CCNB3: variants seen among roughly 807,000 people sequenced by gnomAD.
The protein encoded by CCNB3 is cyclin B3.
In CCNB3, 12 loss-of-function variants were observed where a neutral mutation model predicts 68.0. The observed-to-expected ratio is 0.18, with a 90% confidence interval of 0.11 to 0.29. The LOEUF (loss-of-function observed/expected upper bound fraction) is 0.29, where lower values mean the gene tolerates loss of function less well. Among genes scored for constraint, CCNB3 ranks in the 10% least tolerant of loss-of-function variants. CCNB3 has a pLI of 1.00. For synonymous variants in CCNB3, 354 were observed against 388.9 expected (o/e 0.91, Z 1.06); for missense variants, 904 against 993.1 (o/e 0.91, Z 1.21).
At chrX:50,287,586 T>C (rs1936263111) in intron 3 of CCNB3, among the ~76,000 whole-genome samples, 1 of 112,035 alleles carries the variant, frequency 8.9e-6, no homozygotes. Context: ...GGATTAGAGA[T>C]TAAGTTACTT....
At chrX:50,321,608 GTCTAC>G (rs1922020801) in intron 8 of CCNB3, among the ~76,000 whole-genome samples, 1 of 110,697 alleles carries the variant, frequency 9.0e-6, no homozygotes, top group Non-Finnish European at 1.9e-5. Flanking sequence ...TGATCTATTT[GTCTAC>G]TCTAACATCA....
chrX:50,329,176 T>C (rs1158080620), intron 8 of CCNB3, among the ~76,000 whole-genome samples: 1 of 111,599 alleles, frequency 9.0e-6, no homozygotes, highest in Non-Finnish European at 1.9e-5. Flanking sequence ...GTCTGGAGGA[T>C]GGTGGCCCCC....
At chrX:50,330,522 G>A (rs1011491392) in intron 8 of CCNB3, among the ~76,000 whole-genome samples, 3 of 111,651 alleles carry the variant, frequency 2.7e-5, no homozygotes, top group East Asian at 2.8e-4. Context: ...CACTACCTAC[G>A]TCTTCTTGCA....
chrX:50,282,590 G>GA lies in CCNB3; in HGVS notation c.-112-1951dup, dbSNP rs756308468. Among the ~76,000 whole-genome samples, 6 of 111,344 alleles carry GA rather than the reference G, an allele frequency of 5.4e-5. No individual in the cohort carries two copies. In the Admixed American group the frequency reaches 5.8e-4, roughly 11 times the overall value. On this transcript the variant is annotated intron_variant, in intron 1 of 12. Coordinates refer to ENST00000376042, the MANE Select transcript of CCNB3 (RefSeq NM_033031.3). ...GGGTTCTGTAGGTGGCAGAAGTTGAGAGTGTTCCGCAGAGAGTGTCCTTTT... is the reference window on the plus strand; with the variant it reads ...GGGTTCTGTAGGTGGCAGAAGTTGAGAAGTGTTCCGCAGAGAGTGTCCTTTT...
intron 8 of CCNB3, among the ~76,000 whole-genome samples, chrX:50,325,872 C>T (rs1245039765): frequency 1.3e-4 from 14 of 110,904 alleles, no homozygotes; most frequent in African/African-American, 4.6e-4. Flanking sequence ...CCTTACAGAT[C>T]CTTTATTATA....
At chrX:50,228,641 AAT>A (rs1935978470) in intron 1 of CCNB3, among the ~76,000 whole-genome samples, 2 of 85,609 alleles carry the variant, frequency 2.3e-5, no homozygotes, top group East Asian at 3.4e-4. Flanking sequence ...ATACATATAG[AAT>A]ATATATAGAA....
intron 1 of CCNB3, among the ~76,000 whole-genome samples, chrX:50,227,649 A>C (rs1371880337): frequency 1.1e-5 from 1 of 94,078 alleles, no homozygotes; most frequent in Non-Finnish European, 2.1e-5. Flanking sequence ...ATATAGAGAG[A>C]ATATATATAA....
At chrX:50,227,419 T>A (rs961935970) in intron 1 of CCNB3, among the ~76,000 whole-genome samples, 1,900 of 82,108 alleles carry the variant, frequency 0.023, 46 homozygotes, top group African/African-American at 0.084. Flanking sequence ...CAGAGAATAT[T>A]TATAAATATA....
intron 1 of CCNB3, among the ~76,000 whole-genome samples, chrX:50,283,256 A>G (rs999478526): frequency 7.2e-5 from 8 of 111,240 alleles, no homozygotes; most frequent in Non-Finnish European, 1.5e-4. Flanking sequence ...TCCTCATACT[A>G]TGGCCTTTCA....
chrX:50,336,256 G>T (rs1569543389), intron 8 of CCNB3, among the ~76,000 whole-genome samples: 1 of 111,698 alleles, frequency 9.0e-6, no homozygotes, highest in East Asian at 2.8e-4. Context: ...CTTACAATAG[G>T]CGCATTGGTT....
At chrX:50,306,220 TTTC>T (rs1213853893) in intron 5 of CCNB3, among the ~76,000 whole-genome samples, 2 of 111,323 alleles carry the variant, frequency 1.8e-5, no homozygotes, top group African/African-American at 6.5e-5. Context: ...TTCTAAGCAT[TTTC>T]TTCTTCTTGA....
At chrX:50,291,322 G>A (rs908112372) in intron 4 of CCNB3, among the ~76,000 whole-genome samples, 6 of 110,714 alleles carry the variant, frequency 5.4e-5, no homozygotes, top group African/African-American at 2.0e-4. Flanking sequence ...TATTTTTTTT[G>A]AGATAAAGTC....
chrX:50,293,611 A>G (rs1936389898), intron 4 of CCNB3, among the ~76,000 whole-genome samples: 1 of 111,579 alleles, frequency 9.0e-6, no homozygotes, highest in Non-Finnish European at 1.9e-5. Context: ...TGTATGTTCT[A>G]TATTGAGAAC....
intron 9 of CCNB3, among the ~76,000 whole-genome samples, chrX:50,345,938 G>A (rs1923383880): frequency 8.9e-6 from 1 of 112,459 alleles, no homozygotes; most frequent in African/African-American, 3.2e-5. Flanking sequence ...CGGGCAGTAA[G>A]CTGCAGGTAG....
Position 50,310,589 on chromosome X carries a change from A to G in CCNB3, c.2420A>G (p.Glu807Gly), listed in dbSNP as rs1921375212. Reference protein sequence around the residue: ...LFKKLLAMQEEPSIEKEAVLK... With the variant: ...LFKKLLAMQEGPSIEKEAVLK... ...AAGAAGCTTTTGGCCATGCAGGAGGAGCCCAGCATTGAGAAGGAAGCTGTC... is the reference window on the plus strand; with the variant it reads ...AAGAAGCTTTTGGCCATGCAGGAGGGGCCCAGCATTGAGAAGGAAGCTGTC... Residue 807 changes from glutamate (E) to glycine (G), a missense_variant, in exon 6 of 13, where the codon GAG (glutamate) becomes GGG (glycine). Glu to Gly is a moderately conservative substitution (Grantham distance 98). Transcript: ENST00000376042. The G allele has an allele frequency of 8.3e-7, 1 of 1,209,901 alleles. No homozygotes were observed. The highest frequency in any genetic ancestry group is 1.7e-5 in the African/African-American group (1 of 57,193).
chrX:50,298,714 C>T (rs1185737512), intron 5 of CCNB3, among the ~76,000 whole-genome samples: 3 of 111,444 alleles, frequency 2.7e-5, no homozygotes, highest in South Asian at 3.8e-4. Flanking sequence ...ATGGTACCAG[C>T]TCCTCCTTGT....
Position 50,310,701 on chromosome X carries a change from C to T in CCNB3, c.2532C>T (p.Val844=), listed in dbSNP as rs149768476. ...AGCCCAGCACTGAGAAGGAGGCTGT[C>T]CTCAAGGAGCCCAGTGTTGACACAG... The part of the protein sequence containing the change: ...QEEPSTEKEA[V]LKEPSVDTEA... The change falls in exon 6 of 13, where the codon GTC becomes GTT. Residue 844 remains valine (V), a synonymous_variant. Transcript: ENST00000376042. 65 of 1,208,676 alleles carry T rather than the reference C, an allele frequency of 5.4e-5. No individual in the cohort carries two copies. In the African/African-American group the frequency reaches 1.0e-3, roughly 19 times the overall value.
intron 6 of CCNB3, 71 bp from the exon 7 acceptor site, chrX:50,312,466 A>G (rs1269030555): frequency 2.4e-6 from 2 of 831,451 alleles, no homozygotes; most frequent in East Asian, 3.1e-5. Context: ...AGGAGTAATC[A>G]TTGATATGTA....
At chrX:50,337,076 C>A (rs1557218963) in intron 8 of CCNB3, among the ~76,000 whole-genome samples, 1 of 111,309 alleles carries the variant, frequency 9.0e-6, no homozygotes, top group Non-Finnish European at 1.9e-5. Flanking sequence ...ATGTGTCTGT[C>A]CTCATCTACC....
Sources: gnomAD v4.1 joint callset for allele counts (sites outside exome capture counted in the v4.1 genomes callset) on GRCh38, gnomAD v4.1.1 for gene constraint, MANE v1.5 for transcripts, NCBI Gene and HGNC (gene_info 2026-07-23, HGNC 2026-07-21) for gene names.